Variants in CLN6 observed in about 807,000 individuals in gnomAD.
The protein encoded by CLN6 is ceroid-lipofuscinosis neuronal protein 6.
A neutral mutation model predicts 33.3 loss-of-function variants in CLN6; 22 were observed. The observed-to-expected ratio is 0.66, with a 90% CI of 0.47 to 0.94. CLN6 has a LOEUF of 0.94. CLN6 is among the 40% of genes least tolerant of loss of function. The pLI, the probability that CLN6 is intolerant of heterozygous loss-of-function variation, is 0.00. For synonymous variants in CLN6, 201 were observed against 174.6 expected, an observed-to-expected ratio of 1.15 and a Z score of -1.19; for missense variants, 387 against 417.1, an observed-to-expected ratio of 0.93 and a Z score of 0.63.
intron 1 of CLN6, chr15:68,248,231 G>A (rs1348664340): frequency 6.7e-6 from 1 of 150,024 alleles, no homozygotes; most frequent in Non-Finnish European, 1.5e-5. Context: ...ATATACAATG[G>A]GAAAGGATAG....
Position 68,209,303 on chromosome 15 carries a change from G to T in CLN6, c.665+334C>A, listed in dbSNP as rs141222416. On this transcript the variant is annotated intron_variant, in intron 6 of 6. Coordinates refer to ENST00000249806, the MANE Select transcript of CLN6 (RefSeq NM_017882.3). This position sits in a 1 kb window ranked among gnomAD's most constrained non-coding sequence, Gnocchi z 4.9. ...AGGTGGAAACCGCAGCCCACTACAG[G>T]GCTTGGTGTCGGAGGTGGATTGTAC... is the stretch of plus-strand genomic sequence containing the variant. Among the ~76,000 whole-genome samples the T allele has an allele frequency of 6.6e-6, 1 of 152,154 alleles. No homozygotes were observed. Among genetic ancestry groups the T allele is most frequent in the Non-Finnish European group, 1.5e-5 (1 of 68,022 alleles).
intron 1 of CLN6, among the ~76,000 whole-genome samples, chr15:68,249,638 G>A (rs28812881): frequency 0.011 from 1,734 of 151,904 alleles, 32 homozygotes; most frequent in African/African-American, 0.04. Flanking sequence ...TGAAGATAGA[G>A]AGTAGATTGA....
chr15:68,224,265 C>CA (rs34196710), intron 1 of CLN6, among the ~76,000 whole-genome samples: 41,696 of 46,758 alleles, frequency 0.89, 19,639 homozygotes, highest in South Asian at 0.96. Flanking sequence ...GACCTTATTG[C>CA]AAAAAAAAAA....
intron 1 of CLN6, among the ~76,000 whole-genome samples, chr15:68,222,521 C>T (rs1335187536): frequency 6.6e-6 from 1 of 151,046 alleles, no homozygotes. Flanking sequence ...TGCCTGGCCG[C>T]CCCGTCTGGG....
At chr15:68,226,773 G>A (rs2093253497) in intron 1 of CLN6, among the ~76,000 whole-genome samples, 1 of 151,868 alleles carries the variant, frequency 6.6e-6, no homozygotes, top group Admixed American at 6.6e-5. Context: ...CCAGTAGATC[G>A]TATCTCAAGG....
Position 68,242,408 on chromosome 15 carries a change from T to C in CLN6, c.179+14282A>G, listed in dbSNP as rs1401553368. Among the ~76,000 whole-genome samples the C allele has an allele frequency of 6.6e-6, 1 of 151,988 alleles. No homozygotes were observed. The highest frequency in any genetic ancestry group is 1.5e-5 in the Non-Finnish European group (1 of 67,990). ...AAAAGAAAAAAAGAATACAAAGGAA[T>C]GAAGATTGCCGACAAGATATGGGAA... On this transcript the variant is annotated intron_variant, in intron 1 of 6. Transcript: ENST00000538696. This position sits in a 1 kb window ranked among gnomAD's most constrained non-coding sequence, Gnocchi z 5.0.
rs1027006454 is a variant in CLN6, at chr15:68,219,223, C to G, written c.84-573G>C. Among the ~76,000 whole-genome samples, 4 of 152,164 alleles carry G rather than the reference C, an allele frequency of 2.6e-5. No individual in the cohort carries two copies. The highest frequency in any genetic ancestry group is 9.7e-5 in the African/African-American group (4 of 41,416). On this transcript the variant is annotated intron_variant, in intron 1 of 6. Transcript: ENST00000249806. The surrounding 1 kb of genome is among the most constrained non-coding windows in gnomAD (Gnocchi z 4.2). ...TGAGCTTATACTTTTAACCTCCATC[C>G]CATAGTTGGGTCCATCAGGATTGGT...
intron 1 of CLN6, among the ~76,000 whole-genome samples, chr15:68,222,688 G>A (rs1366037034): frequency 6.6e-6 from 1 of 152,216 alleles, no homozygotes; most frequent in Non-Finnish European, 1.5e-5. Flanking sequence ...AAAAGAAAAG[G>A]GGGAAATGTG....
chr15:68,208,749 C>T lies in CLN6; in HGVS notation c.666-339G>A, dbSNP rs967922258. On this transcript the variant is annotated intron_variant, in intron 6 of 6. Transcript: ENST00000249806. The surrounding 1 kb of genome is among the most constrained non-coding windows in gnomAD (Gnocchi z 5.8). ...AAGCAACAAACAATTGCCATTACGACGGCAGCCACCCCCGCGGCAGGATGC... is the reference window on the plus strand; with the variant it reads ...AAGCAACAAACAATTGCCATTACGATGGCAGCCACCCCCGCGGCAGGATGC... 9.2e-5 allele frequency among the ~76,000 whole-genome samples: 14 copies of T among 152,226 alleles called. No individual in the cohort carries two copies. Among genetic ancestry groups the T allele is most frequent in the Non-Finnish European group, 1.5e-4 (10 of 68,038 alleles).
In CLN6 at chr15:68,207,748, C is replaced by T; in HGVS notation, c.*392G>A. Reference sequence around the variant, plus strand: ...GGCAGGTGACACACCAGGTCCCCTCCTGGCCTCTGCCCCACCCAGCCCTCT... The same window carrying T: ...GGCAGGTGACACACCAGGTCCCCTCTTGGCCTCTGCCCCACCCAGCCCTCT... On this transcript the variant is annotated 3_prime_UTR_variant, in exon 7 of 7. Coordinates refer to ENST00000249806, the MANE Select transcript of CLN6 (RefSeq NM_017882.3). The T allele has an allele frequency of 3.1e-6, 1 of 327,376 alleles. No homozygotes were observed. Among genetic ancestry groups the T allele is most frequent in the Admixed American group, 4.4e-5 (1 of 22,574 alleles). 20.3% of individuals were successfully genotyped at this position (327,376 alleles called of 1,614,324 possible).
chr15:68,220,653 G>T lies in CLN6; in HGVS notation c.84-2003C>A, dbSNP rs1049867766. Among the ~76,000 whole-genome samples the T allele has an allele frequency of 6.6e-6, 1 of 152,254 alleles. No individual in the cohort carries two copies. Among genetic ancestry groups the T allele is most frequent in the African/African-American group, 2.4e-5 (1 of 41,470 alleles). On this transcript the variant is annotated intron_variant, in intron 1 of 6. Transcript: ENST00000249806. The surrounding 1 kb of genome is among the most constrained non-coding windows in gnomAD (Gnocchi z 4.2). ...GAAAGGGGGAGAAAAAGTGCTGACA[G>T]TGTTCATGTTGCCAGTTCATGATCT...
Position 68,256,837 on chromosome 15 carries a change from G to C in CLN6, c.32C>G (p.Ala11Gly), listed in dbSNP as rs968441945. ...TGTCTCTGGCCGGGGCCTGCCTCTC[G>C]CTCGCCGCTCCTTCCCGGCAACGGC... The change falls in exon 1 of 7, where the codon GCG becomes GGG. Residue 11 changes from alanine to glycine, a missense_variant. By Grantham distance (60) the Ala-to-Gly change is moderately conservative (BLOSUM62 0). Transcript: ENST00000538696. The surrounding 1 kb of genome is among the most constrained non-coding windows in gnomAD (Gnocchi z 4.1). The C allele has an allele frequency of 1.7e-5, 12 of 698,494 alleles. No individual in the cohort carries two copies. Among genetic ancestry groups the C allele is most frequent in the Non-Finnish European group, 2.9e-5 (11 of 382,902 alleles). 43.3% of individuals were successfully genotyped at this position (698,494 alleles called of 1,614,324 possible). A position where few individuals can be genotyped will look rare whatever the true frequency, so the allele number is the denominator to read the frequency against.
At chr15:68,245,357 G>A (rs1353413825) in intron 1 of CLN6, among the ~76,000 whole-genome samples, 3 of 151,982 alleles carry the variant, frequency 2.0e-5, no homozygotes, top group South Asian at 2.1e-4. Flanking sequence ...GAACCCAGGA[G>A]CTTGAGATGA....
chr15:68,218,914 C>G (rs781627349), intron 1 of CLN6, among the ~76,000 whole-genome samples: 2 of 152,130 alleles, frequency 1.3e-5, no homozygotes, highest in Non-Finnish European at 2.9e-5. Context: ...GGTTTCTCCG[C>G]TACTGAAAGA....
chr15:68,228,115 G>A lies in CLN6; in HGVS notation c.83+1387C>T, dbSNP rs1430527026. Reference sequence around the variant, plus strand: ...TAAAATAATACTTAACTCACAGGCCGAGGGAGACAGGTGAGCTACAGTATG... The same window carrying A: ...TAAAATAATACTTAACTCACAGGCCAAGGGAGACAGGTGAGCTACAGTATG... On this transcript the variant is annotated intron_variant, in intron 1 of 6. Coordinates refer to ENST00000249806, the MANE Select transcript of CLN6 (RefSeq NM_017882.3). The surrounding 1 kb of genome is among the most constrained non-coding windows in gnomAD (Gnocchi z 4.4). Among the ~76,000 whole-genome samples, 1 of 152,172 alleles carries A rather than the reference G, an allele frequency of 6.6e-6. No homozygotes were observed. Among genetic ancestry groups the A allele is most frequent in the Non-Finnish European group, 1.5e-5 (1 of 68,026 alleles).
At chr15:68,257,060 G>A in exon 1 of CLN6, 1 of 453,918 alleles carries the variant, frequency 2.2e-6, no homozygotes, top group Non-Finnish European at 3.9e-6. Flanking sequence ...GTGCCATGCG[G>A]TTGGGCCGCG....
At chr15:68,216,675 T>C (rs569943300) in intron 2 of CLN6, among the ~76,000 whole-genome samples, 1 of 152,350 alleles carries the variant, frequency 6.6e-6, no homozygotes, top group East Asian at 1.9e-4. Flanking sequence ...ATAATGGACA[T>C]AGCAAAACTG....
rs944411833 is a variant in CLN6 at position 68,229,534 on chromosome 15, G to C, written c.51C>G (p.Gly17=). 4.1e-6 allele frequency: 6 copies of C among 1,467,582 alleles called. No homozygotes were observed. Among genetic ancestry groups the C allele is most frequent in the Non-Finnish European group, 5.4e-6 (6 of 1,114,690 alleles). The allele number at this position is 1,467,582 out of a possible 1,614,324, so 90.9% of individuals were successfully genotyped here. A position where few individuals can be genotyped will look rare whatever the true frequency, so the allele number is the denominator to read the frequency against. The change falls in exon 1 of 7, where the codon GGC becomes GGG. Residue 17 remains glycine, a synonymous_variant. Transcript: ENST00000249806. ...RQHLGATGGP[G]AQLGASFLQA... ...GCAGGAAGGAGGCGCCCAGCTGCGCGCCTGGGCCGCCCGTCGCTCCCAGGT... is the reference window on the plus strand; with the variant it reads ...GCAGGAAGGAGGCGCCCAGCTGCGCCCCTGGGCCGCCCGTCGCTCCCAGGT...
At position 68,210,263 on chromosome 15, in the gene CLN6, A is replaced by C. The variant is rs1488268897; in HGVS notation, c.543-504T>G. On this transcript the variant is annotated intron_variant, in intron 5 of 6. Transcript: ENST00000249806. The surrounding 1 kb of genome is among the most constrained non-coding windows in gnomAD (Gnocchi z 5.6). ...ATACTACCCTCTCCCCTCTCCACAC[A>C]CCGGCTCCCTTTCTCCCACCTGTGC... 7.1e-6 allele frequency among the ~76,000 whole-genome samples: 1 copy of C among 141,222 alleles called. No individual in the cohort carries two copies. The highest frequency in any genetic ancestry group is 1.5e-5 in the Non-Finnish European group (1 of 65,352). The allele number at this position is 141,222 out of a possible 152,430, so 92.6% of individuals were successfully genotyped here. A position where few individuals can be genotyped will look rare whatever the true frequency, so the allele number is the denominator to read the frequency against.
Sources: allele counts gnomAD v4.1 joint callset (sites outside exome capture counted in the v4.1 genomes callset), GRCh38; gene constraint gnomAD v4.1.1; non-coding constraint Gnocchi (gnomAD v3.1); transcripts MANE v1.5; gene names NCBI Gene and HGNC (gene_info 2026-07-23, HGNC 2026-07-21).